Variants in ASPM observed in about 807,000 individuals in gnomAD.
ASPM encodes abnormal spindle-like microcephaly-associated protein.
A neutral mutation model predicts 366.4 loss-of-function variants in ASPM; 256 were observed. The observed-to-expected ratio is 0.70, with a 90% CI of 0.63 to 0.77. The LOEUF is 0.77. ASPM is among the 30% of genes least tolerant of loss of function. The pLI, the probability that ASPM is intolerant of heterozygous loss-of-function variation, is 0.00. For missense variants in ASPM, 4,146 were observed against 4,090.4 expected, an observed-to-expected ratio of 1.01 and a Z score of -0.37; for synonymous variants, 1,414 against 1,342.9, an observed-to-expected ratio of 1.05 and a Z score of -1.16.
At position 197,105,080 on chromosome 1, in the gene ASPM, T is replaced by C. The variant is rs1264320664; in HGVS notation, c.4171A>G (p.Lys1391Glu). The change falls in exon 18 of 28, where the codon AAA becomes GAA. Residue 1391 changes from lysine (K) to glutamate (E), a missense_variant. Physicochemically the swap from Lys to Glu is moderately conservative, Grantham distance 56. Around this residue, in one of 3 missense-constraint regions of ASPM, gnomAD observed 3,624 missense variants for 3,591.7 expected, o/e 1.01. Transcript: ENST00000367409. ...IRMIIAVTSY[K>E]RYLWATVTIQ... ...GTAACTGTAGCCCAAAGATATCGTT[T>C]ATAAGATGTAACAGCAATTATCATT... 6.2e-7 allele frequency: 1 copy of C among 1,610,312 alleles called. No homozygotes were observed. The highest frequency in any genetic ancestry group is 1.7e-5 in the Admixed American group (1 of 59,768).
At position 197,117,830 on chromosome 1, in the gene ASPM, T is replaced by C. The variant is rs779744390; in HGVS notation, c.4024A>G (p.Lys1342Glu). Residue 1342 changes from lysine to glutamate, a missense_variant, in exon 17 of 28, where the codon AAG becomes GAG. Physicochemically the swap from Lys to Glu is moderately conservative, Grantham distance 56. Around this residue, in one of 3 missense-constraint regions of ASPM, gnomAD observed 3,624 missense variants for 3,591.7 expected, o/e 1.01. Coordinates refer to ENST00000367409, the MANE Select transcript of ASPM (RefSeq NM_018136.5). Reference protein sequence around the residue: ...QRKLLMLKKEKLEKVQNKAAS... With the variant: ...QRKLLMLKKEELEKVQNKAAS... ...GCTTTATTTTGAACTTTTTCCAGCT[T>C]TTCCTTTTTTAACATTAATAATTTT... is the stretch of plus-strand genomic sequence containing the variant. 85 of 1,612,902 alleles carry C rather than the reference T, an allele frequency of 5.3e-5. No homozygotes were observed. The highest frequency in any genetic ancestry group is 7.2e-5 in the Non-Finnish European group (85 of 1,179,484).
intron 7 of ASPM, among the ~76,000 whole-genome samples, chr1:197,130,364 G>A (rs1342797785): frequency 6.6e-6 from 1 of 152,068 alleles, no homozygotes; most frequent in Non-Finnish European, 1.5e-5. Flanking sequence ...TAGGCATGTT[G>A]TTCAAATTTA....
intron 4 of ASPM, among the ~76,000 whole-genome samples, 174 bp from the exon 5 acceptor site, chr1:197,135,416 C>CAAAATGGGG (rs1245504538): frequency 6.6e-6 from 1 of 152,022 alleles, no homozygotes; most frequent in East Asian, 1.9e-4. Context: ...GTAATCAGAG[C>CAAAATGGGG]AAAATGGGGA....
chr1:197,101,153 G>A lies in ASPM; in HGVS notation c.8098C>T (p.Arg2700Ter), dbSNP rs730882076. 3 of 1,612,164 alleles carry A rather than the reference G, an allele frequency of 1.9e-6. No homozygotes were observed. The highest frequency in any genetic ancestry group is 2.2e-5 in the East Asian group (1 of 44,754). Residue 2700 changes from arginine (R) to a stop codon, truncating the protein, a stop_gained, in exon 18 of 28, where the codon CGA becomes TGA. Transcript: ENST00000367409. LOFTEE classifies it high-confidence loss of function. Reference protein sequence around the residue: ...RAATLIQSFYRMHRAKVDYET... With the variant: ...RAATLIQSFY ...TAATCAACTTTGGCCCTGTGCATTC[G>A]ATAGAATGACTGAATTAGTGTGGCA... is the stretch of plus-strand genomic sequence containing the variant.
rs758919365 is a variant in ASPM, at chr1:197,117,893, C to A, written c.3961G>T (p.Val1321Phe). ...RLRKRVNAAL[V>F]IQKYWRRVLA... ...ACTCTTCGCCAATATTTCTGAATGACGAGTGCTGCATTAACTCTTTTTCTC... is the reference window on the plus strand; with the variant it reads ...ACTCTTCGCCAATATTTCTGAATGAAGAGTGCTGCATTAACTCTTTTTCTC... Residue 1321 changes from valine (V) to phenylalanine (F), a missense_variant, in exon 17 of 28, where the codon GTC becomes TTC. This residue lies in a region of ASPM where 3,624 missense variants were observed against 3,591.7 expected (regional missense o/e 1.01). Coordinates refer to ENST00000367409, the MANE Select transcript of ASPM (RefSeq NM_018136.5). The A allele has an allele frequency of 6.2e-7, 1 of 1,613,286 alleles. No homozygotes were observed.
In ASPM at chr1:197,090,798, A is replaced by G. The variant is rs4915316; in HGVS notation, c.9636+52T>C. The stretch of plus-strand genomic sequence containing the variant: ...GTTTTTATAGTGTTAGATATCATGT[A>G]GATGAATTGCAAACTAAAGTTTTGA... On this transcript the variant is annotated intron_variant, in intron 23 of 27. Coordinates refer to ENST00000367409, the MANE Select transcript of ASPM (RefSeq NM_018136.5). The G allele has an allele frequency of 0.88, 1,330,015 of 1,509,050 alleles. 596,680 individuals are homozygous for G. Among genetic ancestry groups the G allele is most frequent in the East Asian group, 0.98 (43,369 of 44,168 alleles). The allele number at this position is 1,509,050 out of a possible 1,614,324, so 93.5% of individuals were successfully genotyped here.
Position 197,104,708 on chromosome 1 carries a change from G to T in ASPM, c.4543C>A (p.Leu1515Ile). Residue 1515 changes from leucine to isoleucine, a missense_variant, in exon 18 of 28, where the codon CTA becomes ATA. Leu to Ile is a conservative substitution (Grantham distance 5). Coordinates refer to ENST00000367409, the MANE Select transcript of ASPM (RefSeq NM_018136.5). ...KLYKRRKESI[L>I]TIQKYYKAYL... Reference sequence around the variant, plus strand: ...GCTTTGTAGTACTTCTGGATGGTTAGTATGGACTCTTTTCTTCTTTTATAT... The same window carrying T: ...GCTTTGTAGTACTTCTGGATGGTTATTATGGACTCTTTTCTTCTTTTATAT... The T allele has an allele frequency of 1.9e-6, 3 of 1,611,876 alleles. No individual in the cohort carries two copies. Among genetic ancestry groups the T allele is most frequent in the Non-Finnish European group, 2.5e-6 (3 of 1,179,094 alleles).
At position 197,101,279 on chromosome 1, in the gene ASPM, ATCT is replaced by A. The variant is rs775391911; in HGVS notation, c.7969_7971del (p.Arg2657del). On this transcript the variant is annotated inframe_deletion, in exon 18 of 28. Transcript: ENST00000367409. ...GTACGCACTGCAGTTAGTTTTCTGT[ATCT>A]TCTTTGAATAGAAACTACTGTTGCT... is the stretch of plus-strand genomic sequence containing the variant. 15 of 1,611,928 alleles carry A rather than the reference ATCT, an allele frequency of 9.3e-6. No individual in the cohort carries two copies. In the African/African-American group the frequency reaches 1.9e-4, roughly 20 times the overall value.
chr1:197,146,554 G>A lies in ASPM; in HGVS notation c.-117C>T. ...CTCAGGGGCGGCTGTAGAGGTCGTGGGAGTGAATTCGGCCCTTTTTCTTTT... is the reference window on the plus strand; with the variant it reads ...CTCAGGGGCGGCTGTAGAGGTCGTGAGAGTGAATTCGGCCCTTTTTCTTTT... On this transcript the variant is annotated 5_prime_UTR_variant, in exon 1 of 28. Transcript: ENST00000367409. The A allele has an allele frequency of 8.7e-7, 1 of 1,144,998 alleles. No individual in the cohort carries two copies. The highest frequency in any genetic ancestry group is 1.3e-6 in the Non-Finnish European group (1 of 792,046). The allele number at this position is 1,144,998 out of a possible 1,614,324, so 70.9% of individuals were successfully genotyped here.
intron 6 of ASPM, 26 bp downstream of exon 6, chr1:197,133,324 T>C (rs1275413164): frequency 1.3e-6 from 2 of 1,591,960 alleles, no homozygotes; most frequent in Admixed American, 1.8e-5. Flanking sequence ...AAAGAATTAA[T>C]GTCAAGATTT....
chr1:197,129,355 A>T, intron 8 of ASPM, 38 bp from the exon 9 acceptor site: 1 of 1,601,744 alleles, frequency 6.2e-7, no homozygotes, highest in Non-Finnish European at 8.5e-7. Flanking sequence ...AAGTTAATCT[A>T]TGAAAGGTAG....
intron 14 of ASPM, 35 bp downstream of exon 14, chr1:197,122,353 G>A (rs1657936561): frequency 1.2e-6 from 2 of 1,612,982 alleles, no homozygotes; most frequent in African/African-American, 1.3e-5. Flanking sequence ...ATCAGACATG[G>A]CAAAAAATTG....
chr1:197,142,277 AG>A (rs1557964724), intron 3 of ASPM, 53 bp downstream of exon 3: 13 of 1,561,638 alleles, frequency 8.3e-6, no homozygotes, highest in Admixed American at 5.1e-5. Flanking sequence ...CTAAACCAAA[AG>A]GAAGTATCCC....
In ASPM at chr1:197,135,188, C is replaced by T. The variant is rs1658379165; in HGVS notation, c.2081G>A (p.Arg694His). 6 of 1,613,714 alleles carry T rather than the reference C, an allele frequency of 3.7e-6. No homozygotes were observed. Among genetic ancestry groups the T allele is most frequent in the Non-Finnish European group, 5.1e-6 (6 of 1,179,828 alleles). The change falls in exon 5 of 28, where the codon CGC becomes CAC. Residue 694 changes from arginine (R) to histidine (H), a missense_variant. By Grantham distance (29) the Arg-to-His change is conservative (BLOSUM62 0). Around this residue, in one of 3 missense-constraint regions of ASPM, gnomAD observed 3,624 missense variants for 3,591.7 expected, o/e 1.01. Coordinates refer to ENST00000367409, the MANE Select transcript of ASPM (RefSeq NM_018136.5). ...FAAKNMFYDE[R>H]WKEKQEQGFT... The stretch of plus-strand genomic sequence containing the variant: ...GCCCTGTTCCTGCTTTTCCTTCCAG[C>T]GTTCATCATAAAACATGTTTTTTGC...
chr1:197,093,594 G>A (rs969513172), intron 20 of ASPM, among the ~76,000 whole-genome samples: 2 of 151,778 alleles, frequency 1.3e-5, no homozygotes, highest in Admixed American at 6.6e-5. Context: ...AATAGAAAGA[G>A]CACGGTGATC....
At chr1:197,109,360 T>C (rs1270225846) in intron 17 of ASPM, among the ~76,000 whole-genome samples, 2 of 152,248 alleles carry the variant, frequency 1.3e-5, no homozygotes, top group East Asian at 3.9e-4. Flanking sequence ...AATTTTATCC[T>C]TGGAATGTAA....
chr1:197,142,352 A>G lies in ASPM; in HGVS notation c.1900T>C (p.Leu634=). 1 of 1,613,774 alleles carries G rather than the reference A, an allele frequency of 6.2e-7. No homozygotes were observed. Among genetic ancestry groups the G allele is most frequent in the South Asian group, 1.1e-5 (1 of 91,034 alleles). ...ISKRISNREK[L]NLKKKTDLSI... ...TCACCAGTTTTCTTCTTCAGGTTTA[A>G]TTTCTCTCTGTTGCTAATACGTTTT... The change falls in exon 3 of 28, where the codon TTA becomes CTA. Residue 634 remains leucine (L), a synonymous_variant. Transcript: ENST00000367409.
Position 197,132,277 on chromosome 1 carries a change from A to G in ASPM, c.2487+8T>C, listed in dbSNP as rs1557960387. 6.3e-7 allele frequency: 1 copy of G among 1,597,682 alleles called. No homozygotes were observed. Among genetic ancestry groups the G allele is most frequent in the Non-Finnish European group, 8.5e-7 (1 of 1,170,024 alleles). ...ATATTATTTTAGAAACCTGAAATAT[A>G]TGCTTACCTCTAGACCAATTCGAAG... is the stretch of plus-strand genomic sequence containing the variant. On this transcript the variant is annotated splice_region_variant and intron_variant, in intron 7 of 27. Coordinates refer to ENST00000367409, the MANE Select transcript of ASPM (RefSeq NM_018136.5).
chr1:197,094,087 T>C lies in ASPM; in HGVS notation c.9081A>G (p.Ile3027Met), dbSNP rs762288831. ...AKIAHEHFLM[I>M]KRHRAACLIQ... ...TGAATTAATTTTTAATACCTACTTT[T>C]ATCATTAAGAAGTGTTCATGAGCTA... The change falls in exon 20 of 28, where the codon ATA becomes ATG. Residue 3027 changes from isoleucine to methionine, a missense_variant. Physicochemically the swap from Ile to Met is conservative, Grantham distance 10. Around this residue, in one of 3 missense-constraint regions of ASPM, gnomAD observed 3,624 missense variants for 3,591.7 expected, o/e 1.01. Coordinates refer to ENST00000367409, the MANE Select transcript of ASPM (RefSeq NM_018136.5). 3 of 1,558,906 alleles carry C rather than the reference T, an allele frequency of 1.9e-6. No individual in the cohort carries two copies. In the African/African-American group the frequency reaches 4.1e-5, roughly 21 times the overall value.
Sources: allele counts gnomAD v4.1 joint callset (sites outside exome capture counted in the v4.1 genomes callset), GRCh38; gene constraint gnomAD v4.1.1; regional missense constraint gnomAD v4.1.1; transcripts MANE v1.5; gene names NCBI Gene and HGNC (gene_info 2026-07-23, HGNC 2026-07-21).